PKHD1: variants seen among roughly 807,000 people sequenced by gnomAD.
The protein encoded by PKHD1 is fibrocystin.
In PKHD1, 291 loss-of-function variants were observed where a neutral mutation model predicts 412.0. That is an observed-to-expected ratio of 0.71 (90% CI 0.64 to 0.78). PKHD1 has a LOEUF of 0.78. Among genes scored for constraint, PKHD1 ranks in the 30% least tolerant of loss-of-function variants. The pLI, the probability that PKHD1 is intolerant of heterozygous loss-of-function variation, is 0.00. For missense variants in PKHD1, 4,825 were observed against 4,950.7 expected (o/e 0.97, Z 0.76); for synonymous variants, 1,777 against 1,821.5 (o/e 0.98, Z 0.62).
chr6:51,780,601 C>T (rs1791831203), intron 53 of PKHD1, among the ~76,000 whole-genome samples: 1 of 151,920 alleles, frequency 6.6e-6, no homozygotes, highest in Non-Finnish European at 1.5e-5. Flanking sequence ...TTCTACTATG[C>T]TCAATCATAT....
At chr6:51,685,156 A>G (rs2150586246) in intron 60 of PKHD1, among the ~76,000 whole-genome samples, 1 of 152,168 alleles carries the variant, frequency 6.6e-6, no homozygotes, top group Admixed American at 6.5e-5. Flanking sequence ...ACACCCCATT[A>G]CACATCTGGC....
chr6:51,639,093 G>T, intron 63 of PKHD1, 137 bp from the exon 64 acceptor site: 1 of 724,408 alleles, frequency 1.4e-6, no homozygotes. Flanking sequence ...AATCCATCAG[G>T]TTCTTCTTAG....
In PKHD1 at chr6:51,674,751, C is replaced by A. The variant is rs114024525; in HGVS notation, c.10157-14782G>T. Among the ~76,000 whole-genome samples, 978 of 152,254 alleles carry A rather than the reference C, an allele frequency of 6.4e-3. 10 individuals carry two copies. Among genetic ancestry groups the A allele is most frequent in the African/African-American group, 0.022 (918 of 41,528 alleles). On this transcript the variant is annotated intron_variant, in intron 60 of 66. Coordinates refer to ENST00000371117, the MANE Select transcript of PKHD1 (RefSeq NM_138694.4). ...TCTCTCTGCACAATTTATTGACAGG[C>A]ACACATGGAAAAGTGTTTGACGATT...
chr6:51,661,762 A>G (rs979913822), intron 60 of PKHD1, among the ~76,000 whole-genome samples: 2 of 152,104 alleles, frequency 1.3e-5, no homozygotes, highest in South Asian at 2.1e-4. Flanking sequence ...TTTAAAATTT[A>G]TATTCACGAA....
intron 35 of PKHD1, among the ~76,000 whole-genome samples, chr6:51,974,069 C>G (rs1794038765): frequency 6.6e-6 from 1 of 152,142 alleles, no homozygotes; most frequent in African/African-American, 2.4e-5. Flanking sequence ...TGAATCACAT[C>G]ACAGACCCCA....
chr6:52,023,767 A>C (rs771044434), intron 32 of PKHD1, among the ~76,000 whole-genome samples: 1 of 152,164 alleles, frequency 6.6e-6, no homozygotes, highest in Non-Finnish European at 1.5e-5. Context: ...AAAACATGGA[A>C]TCTTAGGGAG....
At chr6:51,640,241 C>T (rs1316662342) in intron 63 of PKHD1, among the ~76,000 whole-genome samples, 1 of 152,202 alleles carries the variant, frequency 6.6e-6, no homozygotes. Context: ...TACAAAGCAG[C>T]ATTTAATCGA....
At chr6:51,764,528 T>A (rs1410445579) in intron 55 of PKHD1, among the ~76,000 whole-genome samples, 1 of 148,730 alleles carries the variant, frequency 6.7e-6, no homozygotes, top group Non-Finnish European at 1.5e-5. Context: ...GATCTAGAAC[T>A]AGAAATACCA....
intron 60 of PKHD1, among the ~76,000 whole-genome samples, chr6:51,714,423 CA>C (rs1781019101): frequency 6.6e-6 from 1 of 152,018 alleles, no homozygotes; most frequent in South Asian, 2.1e-4. Flanking sequence ...TTCTACCTTC[CA>C]ATGAACACTC....
intron 48 of PKHD1, among the ~76,000 whole-genome samples, chr6:51,864,259 A>G (rs2151740351): frequency 6.6e-6 from 1 of 152,324 alleles, no homozygotes; most frequent in East Asian, 1.9e-4. Flanking sequence ...ATGACACATT[A>G]GGAATGTCAG....
In PKHD1 at chr6:51,903,657, G is replaced by C. The variant is rs1781611687; in HGVS notation, c.6936C>G (p.Ser2312=). The C allele has an allele frequency of 6.2e-7, 1 of 1,610,388 alleles. No individual in the cohort carries two copies. The highest frequency in any genetic ancestry group is 1.3e-5 in the African/African-American group (1 of 74,808). Residue 2312 remains serine, a synonymous_variant, in exon 43 of 67, where the codon TCC becomes TCG. Coordinates refer to ENST00000371117, the MANE Select transcript of PKHD1 (RefSeq NM_138694.4). The part of the protein sequence containing the change: ...IIQVSGAEGL[S]NPEMLTPSGI... ...CAGATGGTGTCAACATTTCAGGATT[G>C]GAGAGTCCCTCGGCACCAGAAACCT...
At chr6:51,679,177 C>G (rs1481650355) in intron 60 of PKHD1, among the ~76,000 whole-genome samples, 1 of 152,018 alleles carries the variant, frequency 6.6e-6, no homozygotes, top group East Asian at 1.9e-4. Context: ...TTTTTTCCCT[C>G]TCATGACCCC....
At chr6:51,721,488 A>G in intron 60 of PKHD1, 3 of 893,222 alleles carry the variant, frequency 3.4e-6, no homozygotes. Flanking sequence ...TATTTCACCT[A>G]TCACTTTATT....
chr6:51,667,388 G>T (rs1168483743), intron 60 of PKHD1, among the ~76,000 whole-genome samples: 1 of 151,342 alleles, frequency 6.6e-6, no homozygotes, highest in African/African-American at 2.4e-5. Flanking sequence ...TTTTTAATGG[G>T]GTTGTTTGTT....
intron 51 of PKHD1, among the ~76,000 whole-genome samples, chr6:51,832,309 G>A (rs1176770788): frequency 6.6e-6 from 1 of 152,038 alleles, no homozygotes; most frequent in Non-Finnish European, 1.5e-5. Flanking sequence ...TCAGGTAAAG[G>A]GGAGGTTGTG....
intron 46 of PKHD1, among the ~76,000 whole-genome samples, chr6:51,872,191 CA>C (rs1302068420): frequency 6.6e-6 from 1 of 151,336 alleles, no homozygotes; most frequent in Non-Finnish European, 1.5e-5. Context: ...AAAGAATTAT[CA>C]AAGAAATAAT....
In PKHD1 at chr6:51,909,420, T is replaced by A. The variant is rs1276901333; in HGVS notation, c.6545A>T (p.Asp2182Val). 6.2e-7 allele frequency: 1 copy of A among 1,613,428 alleles called. No homozygotes were observed. Among genetic ancestry groups the A allele is most frequent in the East Asian group, 2.2e-5 (1 of 44,856 alleles). The change falls in exon 40 of 67, where the codon GAT (aspartate) becomes GTT (valine). Residue 2182 changes from aspartate (D) to valine (V), a missense_variant. By Grantham distance (152) the Asp-to-Val change is radical. Coordinates refer to ENST00000371117, the MANE Select transcript of PKHD1 (RefSeq NM_138694.4). ...SMSEKMLGSRDMGARVIVQSF... is the reference protein window; with the variant it reads ...SMSEKMLGSRVMGARVIVQSF... ...CTGAACGATCACTCTGGCTCCCATATCCCTGGATCCTAGCATCTTCTCACT... is the reference window on the plus strand; with the variant it reads ...CTGAACGATCACTCTGGCTCCCATAACCCTGGATCCTAGCATCTTCTCACT...
At chr6:51,721,875 A>C (rs1781965795) in intron 60 of PKHD1, 1 of 1,576,316 alleles carries the variant, frequency 6.3e-7, no homozygotes, top group Non-Finnish European at 8.6e-7. Context: ...GAACAATTGA[A>C]ACAGTGTCTT....
chr6:51,638,984 G>C, intron 63 of PKHD1, 28 bp from the exon 64 acceptor site: 1 of 1,456,336 alleles, frequency 6.9e-7, no homozygotes, highest in East Asian at 2.3e-5. Flanking sequence ...ACAAAAATTA[G>C]CTGTTTATTA....
Sources: allele counts gnomAD v4.1 joint callset (sites outside exome capture counted in the v4.1 genomes callset), GRCh38; gene constraint gnomAD v4.1.1; transcripts MANE v1.5; gene names NCBI Gene and HGNC (gene_info 2026-07-23, HGNC 2026-07-21).